The following ETV6 variants were observed in gnomAD, a reference collection of about 807,000 sequenced individuals.
ETV6 encodes ETS variant transcription factor 6, also known as transcription factor ETV6.
In ETV6, 16 loss-of-function variants were observed where a neutral mutation model predicts 51.1. That is an observed-to-expected ratio of 0.31 (90% CI 0.21 to 0.48). The LOEUF (loss-of-function observed/expected upper bound fraction) is 0.48. Among genes scored for constraint, ETV6 ranks in the 20% least tolerant of loss-of-function variants. The pLI, the probability that ETV6 is intolerant of heterozygous loss-of-function variation, is 0.99. For synonymous variants in ETV6, 240 were observed against 224.1 expected, an observed-to-expected ratio of 1.07 and a Z score of -0.64; for missense variants, 458 against 594.8, an observed-to-expected ratio of 0.77 and a Z score of 2.39.
intron 4 of ETV6, among the ~76,000 whole-genome samples, chr12:11,860,563 T>C (rs1946701126): frequency 7.8e-6 from 1 of 128,770 alleles, no homozygotes; most frequent in East Asian, 2.2e-4. Flanking sequence ...AGACTCTGTC[T>C]CAAAAAAAAA....
At chr12:11,779,843 A>T (rs1945386014) in intron 2 of ETV6, among the ~76,000 whole-genome samples, 1 of 152,226 alleles carries the variant, frequency 6.6e-6, no homozygotes, top group Non-Finnish European at 1.5e-5. Context: ...TACAGAGATA[A>T]AAAGTGTGAA....
At chr12:11,838,270 G>C (rs574028839) in intron 2 of ETV6, among the ~76,000 whole-genome samples, 2 of 152,286 alleles carry the variant, frequency 1.3e-5, no homozygotes, top group Non-Finnish European at 2.9e-5. Flanking sequence ...AAGGTCTCGG[G>C]AACCCTGATG....
At position 11,733,843 on chromosome 12, in the gene ETV6, C is replaced by G. The variant is rs543614826; in HGVS notation, c.34-18607C>G. On this transcript the variant is annotated intron_variant, in intron 1 of 7. Transcript: ENST00000396373. ...AGGCGAAGCTGATGCTGAGAGGTGG[C>G]CCGCTGTACTGATTTTGTAAAACCA... Among the ~76,000 whole-genome samples, 3 of 152,288 alleles carry G rather than the reference C, an allele frequency of 2.0e-5. No homozygotes were observed. In the East Asian group the frequency reaches 5.8e-4, roughly 29 times the overall value.
chr12:11,717,195 TC>T (rs1331091268), intron 1 of ETV6, among the ~76,000 whole-genome samples: 1 of 152,184 alleles, frequency 6.6e-6, no homozygotes, highest in African/African-American at 2.4e-5. Flanking sequence ...TCCATTTTCT[TC>T]CTTTTGCAAA....
intron 2 of ETV6, among the ~76,000 whole-genome samples, chr12:11,780,934 C>G (rs930345448): frequency 6.6e-6 from 1 of 152,202 alleles, no homozygotes; most frequent in African/African-American, 2.4e-5. Context: ...CTGCATTCCC[C>G]CAGATCAGCA....
At chr12:11,730,882 T>A (rs1176417820) in intron 1 of ETV6, among the ~76,000 whole-genome samples, 1 of 152,184 alleles carries the variant, frequency 6.6e-6, no homozygotes, top group African/African-American at 2.4e-5. Context: ...GAGACACACG[T>A]TTCCCAAATG....
At chr12:11,789,181 A>T (rs577806256) in intron 2 of ETV6, among the ~76,000 whole-genome samples, 38 of 151,998 alleles carry the variant, frequency 2.5e-4, no homozygotes, top group Middle Eastern at 3.4e-3. Context: ...TACAGGCGCC[A>T]GCCACCATGC....
intron 1 of ETV6, among the ~76,000 whole-genome samples, chr12:11,728,220 C>T (rs963108716): frequency 2.0e-5 from 3 of 152,184 alleles, no homozygotes; most frequent in Admixed American, 6.5e-5. Context: ...GCTGTTTATT[C>T]GGCACAGAGG....
At chr12:11,797,969 G>A (rs1945701879) in intron 2 of ETV6, among the ~76,000 whole-genome samples, 1 of 152,196 alleles carries the variant, frequency 6.6e-6, no homozygotes, top group Non-Finnish European at 1.5e-5. Flanking sequence ...TTGGGAATGT[G>A]ATGATAGAAA....
chr12:11,799,784 AT>A (rs1393649703), intron 2 of ETV6, among the ~76,000 whole-genome samples: 1 of 151,780 alleles, frequency 6.6e-6, no homozygotes, highest in Non-Finnish European at 1.5e-5. Context: ...TTTATTTTTT[AT>A]TTTTTTGAGA....
At chr12:11,653,692 T>C (rs1863947697) in intron 1 of ETV6, among the ~76,000 whole-genome samples, 1 of 152,130 alleles carries the variant, frequency 6.6e-6, no homozygotes, top group Non-Finnish European at 1.5e-5. Context: ...CGTAACACTT[T>C]CATCCACTGG....
Position 11,891,053 on chromosome 12 carries a change from C to CAACA in ETV6, c.*8_*11dup, listed in dbSNP as rs2136616020. On this transcript the variant is annotated 3_prime_UTR_variant, in exon 8 of 8. Transcript: ENST00000396373. ...CCAAGAAGATGAATGCTGAAGGAAC[C>CAACA]AACAGTCCACCTCAGCGGGCCAGCA... The CAACA allele has an allele frequency of 1.2e-6, 2 of 1,605,866 alleles. No individual in the cohort carries two copies. Among genetic ancestry groups the CAACA allele is most frequent in the South Asian group, 1.1e-5 (1 of 90,932 alleles).
chr12:11,702,970 G>T (rs1389742378), intron 1 of ETV6, among the ~76,000 whole-genome samples: 1 of 152,200 alleles, frequency 6.6e-6, no homozygotes, highest in African/African-American at 2.4e-5. Context: ...GCTGGGCGTG[G>T]TGGCACATGC....
chr12:11,883,757 C>CT (rs1342836292), intron 5 of ETV6, among the ~76,000 whole-genome samples: 1 of 152,192 alleles, frequency 6.6e-6, no homozygotes, highest in Non-Finnish European at 1.5e-5. Context: ...CACTGGGTTC[C>CT]TTTCTGCCAT....
intron 4 of ETV6, among the ~76,000 whole-genome samples, chr12:11,857,840 G>A (rs1273171757): frequency 6.6e-6 from 1 of 152,214 alleles, no homozygotes; most frequent in Non-Finnish European, 1.5e-5. Context: ...AAGGGGGTTA[G>A]GCTAAATGGT....
intron 2 of ETV6, among the ~76,000 whole-genome samples, chr12:11,788,758 T>G (rs950704776): frequency 1.3e-4 from 16 of 127,490 alleles, no homozygotes; most frequent in Admixed American, 5.2e-4. Context: ...TTGTATTGGT[T>G]TTTTTTTTTT....
intron 1 of ETV6, among the ~76,000 whole-genome samples, chr12:11,710,657 A>G (rs1865157144): frequency 6.6e-6 from 1 of 152,120 alleles, no homozygotes; most frequent in Non-Finnish European, 1.5e-5. Context: ...TAGTGCGCCT[A>G]TTGCCTTGGG....
intron 1 of ETV6, among the ~76,000 whole-genome samples, chr12:11,703,409 G>C (rs1055921015): frequency 6.6e-6 from 1 of 151,948 alleles, no homozygotes; most frequent in South Asian, 2.1e-4. Flanking sequence ...TTGGAACATG[G>C]GTTTTCAAAG....
At position 11,649,865 on chromosome 12, in the gene ETV6, C is replaced by A. The variant is rs1863854942; in HGVS notation, c.-263C>A. On this transcript the variant is annotated 5_prime_UTR_variant, in exon 1 of 8. Coordinates refer to ENST00000396373, the MANE Select transcript of ETV6 (RefSeq NM_001987.5). ...AGGCCGGCCGGGCTGCGTCCCGGGT[C>A]CCCGCGCCGCGCCGCGACCTGCAGA... The A allele has an allele frequency of 6.7e-6, 1 of 150,296 alleles. No individual in the cohort carries two copies. The highest frequency in any genetic ancestry group is 1.8e-4 in the South Asian group (1 of 5,494). 9.3% of individuals were successfully genotyped at this position (150,296 alleles called of 1,614,324 possible).
Sources: allele counts gnomAD v4.1 joint callset (sites outside exome capture counted in the v4.1 genomes callset), GRCh38; gene constraint gnomAD v4.1.1; transcripts MANE v1.5; gene names NCBI Gene and HGNC (gene_info 2026-07-23, HGNC 2026-07-21).